The following GANC variants were observed in gnomAD, a reference collection of about 807,000 sequenced individuals.
GANC encodes neutral alpha-glucosidase C.
Under a neutral mutation model 124.2 loss-of-function variants are expected in GANC, and 117 were observed. The ratio of observed to expected loss-of-function variants is 0.94; its 90% CI spans 0.81 to 1.10. The LOEUF is 1.10. GANC is among the 50% of genes least tolerant of loss of function. The pLI, the probability that GANC is intolerant of heterozygous loss-of-function variation, is 0.00. For synonymous variants in GANC, 377 were observed against 376.8 expected (o/e 1.00, Z -0.01); for missense variants, 1,140 against 1,095.0 (o/e 1.04, Z -0.58).
intron 23 of GANC, among the ~76,000 whole-genome samples, chr15:42,351,792 G>T (rs1385341385): frequency 6.6e-6 from 1 of 152,174 alleles, no homozygotes; most frequent in Admixed American, 6.5e-5. Flanking sequence ...GCTTCCTGAA[G>T]TTCTTGGACA....
At position 42,310,449 on chromosome 15, in the gene GANC, G is replaced by A. The variant is rs1039129521; in HGVS notation, c.889G>A (p.Glu297Lys). The A allele has an allele frequency of 3.1e-6, 5 of 1,607,246 alleles. No homozygotes were observed. Among genetic ancestry groups the A allele is most frequent in the Non-Finnish European group, 4.3e-6 (5 of 1,176,296 alleles). The change falls in exon 9 of 24, where the codon GAG becomes AAG. Residue 297 changes from glutamate to lysine, a missense_variant. Transcript: ENST00000318010. The stretch of plus-strand genomic sequence containing the variant: ...GGAAACACTGGTGGAGATCAATACA[G>A]AGCCTGCAGTAGAGGTGAGCTATTT... ...ASETLVEINT[E>K]PAVEYTLTQM... is the part of the protein sequence containing the mutation.
Position 42,339,878 on chromosome 15 carries a change from T to C in GANC, c.2053T>C (p.Tyr685His), listed in dbSNP as rs1043799638. Residue 685 changes from tyrosine (Y) to histidine (H), a missense_variant, in exon 17 of 24, where the codon TAC (tyrosine) becomes CAC (histidine). By Grantham distance (83) the Tyr-to-His change is moderately conservative (BLOSUM62 2). Coordinates refer to ENST00000318010, the MANE Select transcript of GANC (RefSeq NM_198141.3). The stretch of plus-strand genomic sequence containing the variant: ...CCTGCCATATTGGTATTCTCTGTTC[T>C]ACCATGCACACGTGGCTTCCCAACC... ...GLLPYWYSLF[Y>H]HAHVASQPVM... 10 of 1,614,050 alleles carry C rather than the reference T, an allele frequency of 6.2e-6. No individual in the cohort carries two copies. In the African/African-American group the frequency reaches 8.0e-5, roughly 13 times the overall value.
intron 14 of GANC, 149 bp downstream of exon 14, chr15:42,329,598 C>A: frequency 1.8e-6 from 1 of 561,384 alleles, no homozygotes; most frequent in Non-Finnish European, 2.8e-6. Flanking sequence ...AGGTAGTAGC[C>A]AATACAAGAC....
chr15:42,312,849 C>T (rs1319281289), intron 10 of GANC, among the ~76,000 whole-genome samples: 2 of 150,448 alleles, frequency 1.3e-5, no homozygotes, highest in East Asian at 2.0e-4. Context: ...GCAGAAGAAT[C>T]GATTGAACCC....
intron 3 of GANC, among the ~76,000 whole-genome samples, chr15:42,282,730 G>A (rs538286868): frequency 9.8e-4 from 150 of 152,306 alleles, no homozygotes; most frequent in African/African-American, 3.4e-3. Context: ...GCAGAACCAA[G>A]CTTCATTCAA....
chr15:42,350,551 C>CT (rs1265729419), intron 22 of GANC, among the ~76,000 whole-genome samples: 27,764 of 123,302 alleles, frequency 0.23, 5,529 homozygotes, highest in African/African-American at 0.51. Context: ...ACAGAGTTGT[C>CT]TTTTTTTTTT....
At chr15:42,335,228 C>T (rs1389436416) in intron 15 of GANC, among the ~76,000 whole-genome samples, 1 of 152,120 alleles carries the variant, frequency 6.6e-6, no homozygotes, top group Non-Finnish European at 1.5e-5. Flanking sequence ...AAAATACTGG[C>T]AGACTGAATT....
In GANC at chr15:42,338,394, G is replaced by A. The variant is rs370258614; in HGVS notation, c.1747G>A (p.Val583Met). 1.1e-4 allele frequency: 180 copies of A among 1,612,902 alleles called. 1 individual carries two copies. Among genetic ancestry groups the A allele is most frequent in the South Asian group, 1.1e-3 (100 of 90,992 alleles). Residue 583 changes from valine to methionine, a missense_variant, in exon 16 of 24, where the codon GTG (valine) becomes ATG (methionine). Coordinates refer to ENST00000318010, the MANE Select transcript of GANC (RefSeq NM_198141.3). ...FFAGSQKYGA[V>M]WTGDNTAEWS... is the part of the protein sequence containing the mutation. ...ATTGTTGCTGGTGACCAAAGGTGCC[G>A]TGTGGACAGGCGACAACACAGCAGA...
intron 6 of GANC, among the ~76,000 whole-genome samples, chr15:42,303,152 ATC>A (rs1035013906): frequency 6.6e-6 from 1 of 152,230 alleles, no homozygotes; most frequent in African/African-American, 2.4e-5. Flanking sequence ...CTAACACCGG[ATC>A]TCTCTGCAGA....
chr15:42,339,076 T>A (rs2052307050), intron 16 of GANC, among the ~76,000 whole-genome samples: 1 of 152,166 alleles, frequency 6.6e-6, no homozygotes. Flanking sequence ...TTGTTTCCTG[T>A]AGGAGTAGAA....
rs533248551 is a variant in GANC, at chr15:42,278,833, A to G, written c.201+243A>G. Among the ~76,000 whole-genome samples the G allele has an allele frequency of 4.6e-5, 7 of 152,244 alleles. No individual in the cohort carries two copies. In the East Asian group the frequency reaches 1.4e-3, roughly 29 times the overall value. On this transcript the variant is annotated intron_variant, in intron 3 of 23. Coordinates refer to ENST00000318010, the MANE Select transcript of GANC (RefSeq NM_198141.3). ...ACATGGCGAAAACCCATCTCTACAA[A>G]AAGTACAAAAAATTATCCAGGCACA...
At chr15:42,287,541 T>G (rs935524726) in intron 3 of GANC, 150 bp from the exon 4 acceptor site, 5 of 702,272 alleles carry the variant, frequency 7.1e-6, no homozygotes, top group Non-Finnish European at 1.1e-5. Context: ...ATACATAAAC[T>G]GGGGAGCTTT....
intron 5 of GANC, among the ~76,000 whole-genome samples, chr15:42,294,425 T>C (rs1180158628): frequency 6.7e-6 from 1 of 150,030 alleles, no homozygotes; most frequent in Non-Finnish European, 1.5e-5. Flanking sequence ...AATACAAAAA[T>C]TTAGCCAGGT....
chr15:42,353,392 C>T lies in GANC; in HGVS notation c.*1253C>T, dbSNP rs188144010. 3.4e-4 allele frequency: 330 copies of T among 978,984 alleles called. 1 individual carries two copies. The African/African-American group carries it at 5.5e-3, about 16-fold the overall frequency. 60.6% of individuals were successfully genotyped at this position (978,984 alleles called of 1,614,324 possible). A position where few individuals can be genotyped will look rare whatever the true frequency, so the allele number is the denominator to read the frequency against. On this transcript the variant is annotated 3_prime_UTR_variant, in exon 24 of 24. Coordinates refer to ENST00000318010, the MANE Select transcript of GANC (RefSeq NM_198141.3). ...CCCACTTTCCCATGAAGCCTAACTGCGTGAACACCCCTACCCCCATACCCA... is the reference window on the plus strand; with the variant it reads ...CCCACTTTCCCATGAAGCCTAACTGTGTGAACACCCCTACCCCCATACCCA...
At chr15:42,294,952 A>C (rs957256888) in intron 5 of GANC, among the ~76,000 whole-genome samples, 2 of 148,712 alleles carry the variant, frequency 1.3e-5, no homozygotes, top group African/African-American at 5.0e-5. Context: ...GTTGTTGATC[A>C]GATGGTTTGT....
intron 12 of GANC, 64 bp downstream of exon 12, chr15:42,326,488 T>C: frequency 6.2e-7 from 1 of 1,606,772 alleles, no homozygotes; most frequent in East Asian, 2.2e-5. Context: ...GAAGGCTGCG[T>C]GGTCATCATT....
Position 42,318,590 on chromosome 15 carries a change from TTTTG to T in GANC, c.1058-3182_1058-3179del, listed in dbSNP as rs559647977. 8.5e-4 allele frequency among the ~76,000 whole-genome samples: 129 copies of T among 152,240 alleles called. 2 individuals are homozygous for T. The South Asian group carries it at 0.023, about 27-fold the overall frequency. On this transcript the variant is annotated intron_variant, in intron 10 of 23. Coordinates refer to ENST00000318010, the MANE Select transcript of GANC (RefSeq NM_198141.3). ...GTAATAAAATCCCTTGATGGAGATC[TTTTG>T]TTTGTTTGTTTGAGTCAGGGTTTTG...
At chr15:42,277,462 A>AGAGATTGTGGTGAGCC (rs1484706325) in intron 2 of GANC, among the ~76,000 whole-genome samples, 1 of 151,614 alleles carries the variant, frequency 6.6e-6, no homozygotes, top group African/African-American at 2.4e-5. Context: ...CCTGGGAGGC[A>AGAGATTGTGGTGAGCC]GAGATTGTGG....
intron 4 of GANC, 85 bp from the exon 5 acceptor site, chr15:42,292,650 C>A: frequency 7.8e-7 from 1 of 1,288,262 alleles, no homozygotes; most frequent in Non-Finnish European, 1.1e-6. Context: ...TATTGATTTA[C>A]TAATTAATTA....
Sources: allele counts gnomAD v4.1 joint callset (sites outside exome capture counted in the v4.1 genomes callset), GRCh38; gene constraint gnomAD v4.1.1; transcripts MANE v1.5; gene names NCBI Gene and HGNC (gene_info 2026-07-23, HGNC 2026-07-21).